The following MLPH variants were observed in gnomAD, a reference collection of about 807,000 sequenced individuals.
MLPH encodes melanophilin.
A neutral mutation model predicts 72.1 loss-of-function variants in MLPH; 51 were observed. The observed-to-expected ratio is 0.71, with a 90% CI of 0.56 to 0.89. MLPH has a LOEUF of 0.89. Ranked by LOEUF, MLPH falls within the 40% of genes least tolerant of loss-of-function variation. The pLI is 0.00. For synonymous variants in MLPH, 301 were observed against 310.1 expected (o/e 0.97, Z 0.31); for missense variants, 743 against 759.9 (o/e 0.98, Z 0.26).
Position 237,488,477 on chromosome 2 carries a change from G to A in MLPH, c.-25+1040G>A, listed in dbSNP as rs543596475. Among the ~76,000 whole-genome samples the A allele has an allele frequency of 1.3e-3, 200 of 152,208 alleles. 2 individuals carry two copies. Among genetic ancestry groups the A allele is most frequent in the African/African-American group, 4.7e-3 (196 of 41,528 alleles). On this transcript the variant is annotated intron_variant, in intron 1 of 15. Coordinates refer to ENST00000264605, the MANE Select transcript of MLPH (RefSeq NM_024101.7). ...CACATCCCTCCACCTGCTCATTGGCGGGATTCAGCTGACCTCAGTAAGGCC... is the reference window on the plus strand; with the variant it reads ...CACATCCCTCCACCTGCTCATTGGCAGGATTCAGCTGACCTCAGTAAGGCC...
intron 14 of MLPH, among the ~76,000 whole-genome samples, chr2:237,551,126 G>A (rs375573326): frequency 1.4e-4 from 21 of 151,916 alleles, no homozygotes; most frequent in East Asian, 5.8e-4. Flanking sequence ...GGCCAGCCCC[G>A]CACACTGGCA....
In MLPH at chr2:237,545,446, A is replaced by G. The variant is rs757887658; in HGVS notation, c.1540-1160A>G. 1.4e-5 allele frequency: 18 copies of G among 1,285,064 alleles called. No homozygotes were observed. In the Admixed American group the frequency reaches 2.6e-4, roughly 18 times the overall value. 79.6% of individuals were successfully genotyped at this position (1,285,064 alleles called of 1,614,324 possible). A position where few individuals can be genotyped will look rare whatever the true frequency, so the allele number is the denominator to read the frequency against. On this transcript the variant is annotated intron_variant, in intron 12 of 15. Transcript: ENST00000264605. Reference sequence around the variant, plus strand: ...TTTTTGTTTATTATTTGTTGTTTCTACCCTAAAAAGGCTCTTTATGAGGGG... The same window carrying G: ...TTTTTGTTTATTATTTGTTGTTTCTGCCCTAAAAAGGCTCTTTATGAGGGG...
intron 4 of MLPH, chr2:237,511,305 T>C (rs939761024): frequency 5.9e-6 from 3 of 506,986 alleles, no homozygotes; most frequent in Non-Finnish European, 1.1e-5. Context: ...GAGACAGGCA[T>C]CTCACCATGT....
chr2:237,499,772 T>G (rs2079608596), intron 2 of MLPH, among the ~76,000 whole-genome samples: 1 of 152,078 alleles, frequency 6.6e-6, no homozygotes, highest in African/African-American at 2.4e-5. Context: ...TGAGACAGGG[T>G]CTTGCTCTGT....
At chr2:237,529,418 C>T (rs2080373416) in intron 8 of MLPH, among the ~76,000 whole-genome samples, 1 of 152,180 alleles carries the variant, frequency 6.6e-6, no homozygotes, top group Admixed American at 6.5e-5. Flanking sequence ...TAGAATCACT[C>T]ACATTGTAGA....
Position 237,510,924 on chromosome 2 carries a change from T to TGA in MLPH, c.333-62_333-61dup, listed in dbSNP as rs1485146895. On this transcript the variant is annotated intron_variant, in intron 3 of 15. Coordinates refer to ENST00000264605, the MANE Select transcript of MLPH (RefSeq NM_024101.7). The surrounding 1 kb of genome is among the most constrained non-coding windows in gnomAD (Gnocchi z 4.4). The stretch of plus-strand genomic sequence containing the variant: ...TCGTGTGTGTGTGTGTGTGTGTGTG[T>TGA]GAGATTTATGCAGGCCTGTGTACAG... 2.1e-6 allele frequency: 3 copies of TGA among 1,452,698 alleles called. No homozygotes were observed. Among genetic ancestry groups the TGA allele is most frequent in the African/African-American group, 2.8e-5 (2 of 70,700 alleles). The allele number at this position is 1,452,698 out of a possible 1,614,324, so 90.0% of individuals were successfully genotyped here. A position where few individuals can be genotyped will look rare whatever the true frequency, so the allele number is the denominator to read the frequency against.
rs767501322 is a variant in MLPH at position 237,540,491 on chromosome 2, C to G, written c.1248C>G (p.Asn416Lys). The part of the protein sequence containing the change: ...EEAKDEKAEP[N>K]RDKSVGPLPQ... ...CCAAGGACGAAAAGGCAGAGCCCAA[C>G]AGGGACAAATCAGTTGGGCCTCTCC... The change falls in exon 10 of 16, where the codon AAC becomes AAG. Residue 416 changes from asparagine (N) to lysine (K), a missense_variant. Coordinates refer to ENST00000264605, the MANE Select transcript of MLPH (RefSeq NM_024101.7). The G allele has an allele frequency of 1.2e-6, 2 of 1,612,902 alleles. No individual in the cohort carries two copies. Among genetic ancestry groups the G allele is most frequent in the Non-Finnish European group, 8.5e-7 (1 of 1,179,950 alleles).
At chr2:237,538,209 G>A (rs1464648761) in intron 9 of MLPH, among the ~76,000 whole-genome samples, 1 of 152,198 alleles carries the variant, frequency 6.6e-6, no homozygotes, top group African/African-American at 2.4e-5. Context: ...CGCAACTGCT[G>A]GAACACCAAG....
rs545259820 is a variant in MLPH, at chr2:237,510,882, C to T, written c.332+87C>T. On this transcript the variant is annotated intron_variant, in intron 3 of 15. Coordinates refer to ENST00000264605, the MANE Select transcript of MLPH (RefSeq NM_024101.7). The surrounding 1 kb of genome is among the most constrained non-coding windows in gnomAD (Gnocchi z 4.4). ...ATGGGGCTAGCTGAAGAAGGGTGGA[C>T]GCACACATGCACACACTCGTGTGTG... 6.3e-5 allele frequency: 97 copies of T among 1,548,708 alleles called. No individual in the cohort carries two copies. The Middle Eastern group carries it at 7.0e-4, about 11-fold the overall frequency.
chr2:237,493,329 G>A, intron 1 of MLPH, 74 bp from the exon 2 acceptor site: 1 of 949,676 alleles, frequency 1.1e-6, no homozygotes, highest in South Asian at 1.3e-5. Flanking sequence ...GTTCTGTGTT[G>A]TCTCTTACTC....
chr2:237,542,484 G>A (rs1006680967), intron 11 of MLPH, 83 bp from the exon 12 acceptor site: 36 of 1,124,704 alleles, frequency 3.2e-5, no homozygotes, highest in Admixed American at 4.0e-5. Flanking sequence ...TGAGCTGGGG[G>A]CAGCTGCTCT....
intron 14 of MLPH, chr2:237,551,910 G>C (rs924412929): frequency 6.0e-6 from 1 of 167,344 alleles, no homozygotes; most frequent in African/African-American, 2.4e-5. Context: ...ACCCGAGGCA[G>C]AGGTTGCAGT....
chr2:237,512,322 C>G lies in MLPH; in HGVS notation c.445+1221C>G, dbSNP rs1164563728. ...CTCGCCGGGCCTGCTGCAGGCATTTCAAGGCATCTTAGCCCATCGTTTAAT... is the reference window on the plus strand; with the variant it reads ...CTCGCCGGGCCTGCTGCAGGCATTTGAAGGCATCTTAGCCCATCGTTTAAT... On this transcript the variant is annotated intron_variant, in intron 4 of 15. Transcript: ENST00000264605. The surrounding 1 kb of genome is among the most constrained non-coding windows in gnomAD (Gnocchi z 5.5). Among the ~76,000 whole-genome samples, 2 of 152,348 alleles carry G rather than the reference C, an allele frequency of 1.3e-5. No homozygotes were observed. The highest frequency in any genetic ancestry group is 3.4e-3 in the Middle Eastern group (1 of 294).
At chr2:237,501,804 C>T (rs1008997541) in intron 2 of MLPH, among the ~76,000 whole-genome samples, 3 of 151,460 alleles carry the variant, frequency 2.0e-5, no homozygotes, top group African/African-American at 7.3e-5. Flanking sequence ...GCTGAGATCG[C>T]GCCACTGCAC....
At chr2:237,549,300 AC>A (rs759020896) in intron 14 of MLPH, 22 bp downstream of exon 14, 2 of 1,609,364 alleles carry the variant, frequency 1.2e-6, no homozygotes, top group Admixed American at 1.7e-5. Flanking sequence ...CTGCTCCCCC[AC>A]CCCCATGGGC....
chr2:237,519,676 G>A (rs2080134617), intron 5 of MLPH, among the ~76,000 whole-genome samples: 1 of 152,210 alleles, frequency 6.6e-6, no homozygotes, highest in Admixed American at 6.5e-5. Context: ...TTCTGGAGAT[G>A]CAGATCCTGT....
At chr2:237,518,283 G>A in intron 4 of MLPH, 2 of 577,194 alleles carry the variant, frequency 3.5e-6, no homozygotes, top group South Asian at 3.6e-5. Flanking sequence ...TGCCCATTGA[G>A]TAGGTGGATG....
chr2:237,529,709 C>A (rs895597332), intron 8 of MLPH, among the ~76,000 whole-genome samples: 1 of 152,328 alleles, frequency 6.6e-6, no homozygotes, highest in South Asian at 2.1e-4. Flanking sequence ...GGCATGAAAC[C>A]CAGAGAAGGG....
At chr2:237,489,893 A>G (rs2079393442) in intron 1 of MLPH, among the ~76,000 whole-genome samples, 1 of 152,178 alleles carries the variant, frequency 6.6e-6, no homozygotes, top group Admixed American at 6.5e-5. Flanking sequence ...TGGGCCTGGG[A>G]TACCCATCTT....
Sources: allele counts gnomAD v4.1 joint callset (sites outside exome capture counted in the v4.1 genomes callset), GRCh38; gene constraint gnomAD v4.1.1; non-coding constraint Gnocchi (gnomAD v3.1); transcripts MANE v1.5; gene names NCBI Gene and HGNC (gene_info 2026-07-23, HGNC 2026-07-21).